PCDH11X: variants seen among roughly 807,000 people sequenced by gnomAD.
PCDH11X encodes protocadherin-11 X-linked.
PCDH11X carries 18 observed loss-of-function variants against 53.3 expected under a neutral mutation model. The ratio of observed to expected loss-of-function variants is 0.34; its 90% CI spans 0.23 to 0.50. The LOEUF (loss-of-function observed/expected upper bound fraction) is 0.50, where lower values mean the gene tolerates loss of function less well. Among genes scored for constraint, PCDH11X ranks in the 20% least tolerant of loss-of-function variants. The pLI is 0.98. For synonymous variants in PCDH11X, 279 were observed against 393.3 expected (o/e 0.71, Z 3.44); for missense variants, 570 against 1,032.4 (o/e 0.55, Z 6.14).
chrX:92,308,452 A>G (rs2068876724), intron 8 of PCDH11X, among the ~76,000 whole-genome samples: 1 of 111,531 alleles, frequency 9.0e-6, no homozygotes, highest in Non-Finnish European at 1.9e-5. Flanking sequence ...TGCACATGCA[A>G]AATAATGAAG....
intron 5 of PCDH11X, among the ~76,000 whole-genome samples, chrX:91,857,974 C>A (rs1418185812): frequency 8.9e-6 from 1 of 111,736 alleles, no homozygotes; most frequent in African/African-American, 3.3e-5. Flanking sequence ...CCCCACATTT[C>A]CCTTCTGCCA....
At chrX:92,053,211 A>G (rs2063391856) in intron 6 of PCDH11X, among the ~76,000 whole-genome samples, 1 of 111,180 alleles carries the variant, frequency 9.0e-6, no homozygotes, top group Non-Finnish European at 1.9e-5. Context: ...CTAGCAGAAG[A>G]CAATTTTTAT....
intron 6 of PCDH11X, among the ~76,000 whole-genome samples, chrX:92,153,116 G>A (rs900545870): frequency 6.4e-5 from 7 of 109,925 alleles, no homozygotes; most frequent in African/African-American, 2.3e-4. Context: ...ATAAGACTTA[G>A]TTAAATTGTT....
At chrX:92,405,906 A>G (rs1367840490) in intron 9 of PCDH11X, among the ~76,000 whole-genome samples, 1 of 110,147 alleles carries the variant, frequency 9.1e-6, no homozygotes, top group African/African-American at 3.3e-5. Flanking sequence ...CATCCTGGCT[A>G]ACACAGTGAA....
chrX:92,074,124 T>C (rs6618844), intron 6 of PCDH11X, among the ~76,000 whole-genome samples: 33,099 of 110,400 alleles, frequency 0.3, 5,551 homozygotes, highest in African/African-American at 0.62. Flanking sequence ...GGGGAGCATG[T>C]TAAAAGTAAA....
Position 91,904,540 on chromosome X carries a change from G to A in PCDH11X, c.3033+25267G>A, listed in dbSNP as rs755410028. ...AAATAGTATAAATTAATTGTAGAAC[G>A]TTTGAAAAATACAGATGAATAAAGA... On this transcript the variant is annotated intron_variant, in intron 6 of 10. Coordinates refer to ENST00000682573, the MANE Select transcript of PCDH11X (RefSeq NM_032968.5). Among the ~76,000 whole-genome samples the A allele has an allele frequency of 8.1e-5, 9 of 110,984 alleles. No homozygotes were observed. The East Asian group carries it at 1.4e-3, about 17-fold the overall frequency.
At chrX:92,119,923 A>G (rs1343757460) in intron 6 of PCDH11X, among the ~76,000 whole-genome samples, 1 of 110,116 alleles carries the variant, frequency 9.1e-6, no homozygotes, top group Non-Finnish European at 1.9e-5. Flanking sequence ...ACTTTTTGAG[A>G]GAAGAAATAG....
chrX:92,339,241 C>T (rs2069693021), intron 8 of PCDH11X, among the ~76,000 whole-genome samples: 1 of 111,870 alleles, frequency 8.9e-6, no homozygotes, highest in African/African-American at 3.2e-5. Context: ...ATTAGACCGC[C>T]ATCTGTCACT....
intron 6 of PCDH11X, among the ~76,000 whole-genome samples, chrX:91,978,517 C>T (rs2062077057): frequency 9.1e-6 from 1 of 109,654 alleles, no homozygotes; most frequent in African/African-American, 3.3e-5. Flanking sequence ...AGATCAAATT[C>T]ATTTTTGTAT....
At chrX:92,456,839 T>A (rs1196220293) in intron 9 of PCDH11X, among the ~76,000 whole-genome samples, 1 of 109,036 alleles carries the variant, frequency 9.2e-6, no homozygotes, top group East Asian at 2.9e-4. Flanking sequence ...TTTATCAACA[T>A]ATCATCTAAG....
chrX:92,441,611 G>A (rs906655982), intron 9 of PCDH11X, among the ~76,000 whole-genome samples: 3 of 112,380 alleles, frequency 2.7e-5, no homozygotes, highest in Non-Finnish European at 5.6e-5. Context: ...GTCAGTAAGT[G>A]AGGTTTGGAA....
chrX:92,406,058 C>T (rs1342576496), intron 9 of PCDH11X, among the ~76,000 whole-genome samples: 1 of 95,409 alleles, frequency 1.0e-5, no homozygotes, highest in South Asian at 5.6e-4. Flanking sequence ...TCTATCACGC[C>T]ACTGCACTCC....
intron 7 of PCDH11X, among the ~76,000 whole-genome samples, chrX:92,262,143 A>G (rs1344560918): frequency 9.0e-6 from 1 of 111,233 alleles, no homozygotes; most frequent in Non-Finnish European, 1.9e-5. Context: ...GGATAAAAAA[A>G]AAAATGGAGA....
At chrX:92,129,791 A>T (rs1362634924) in intron 6 of PCDH11X, among the ~76,000 whole-genome samples, 1 of 111,432 alleles carries the variant, frequency 9.0e-6, no homozygotes, top group Non-Finnish European at 1.9e-5. Context: ...GAATAGCTCC[A>T]TGGGAGACAG....
intron 5 of PCDH11X, among the ~76,000 whole-genome samples, chrX:91,875,448 A>G (rs1340138524): frequency 9.7e-6 from 1 of 103,450 alleles, no homozygotes; most frequent in Non-Finnish European, 1.9e-5. Context: ...ACGCCAGGCT[A>G]ATTTTTTTTT....
intron 6 of PCDH11X, among the ~76,000 whole-genome samples, chrX:91,983,862 T>C (rs1372420452): frequency 7.2e-5 from 8 of 110,793 alleles, no homozygotes; most frequent in Non-Finnish European, 1.3e-4. Context: ...AAACAAAACA[T>C]ATCATAGAAA....
intron 8 of PCDH11X, among the ~76,000 whole-genome samples, chrX:92,270,770 A>G (rs1446229444): frequency 8.9e-6 from 1 of 112,325 alleles, no homozygotes; most frequent in Non-Finnish European, 1.9e-5. Flanking sequence ...TAAGGTGAAC[A>G]TGGAGTAGCT....
chrX:91,841,254 C>CTTGG (rs1051944970), intron 5 of PCDH11X, among the ~76,000 whole-genome samples: 8 of 111,656 alleles, frequency 7.2e-5, no homozygotes, highest in Admixed American at 4.8e-4. Context: ...TTATCAGAGT[C>CTTGG]TTGGTTAGTG....
intron 6 of PCDH11X, among the ~76,000 whole-genome samples, chrX:92,175,037 G>A (rs1018473243): frequency 1.0e-4 from 11 of 110,288 alleles, no homozygotes; most frequent in East Asian, 5.7e-4. Flanking sequence ...GTGCAGTGGC[G>A]CCATCTTGGC....
Sources: allele counts gnomAD v4.1 joint callset (sites outside exome capture counted in the v4.1 genomes callset), GRCh38; gene constraint gnomAD v4.1.1; transcripts MANE v1.5; gene names NCBI Gene and HGNC (gene_info 2026-07-23, HGNC 2026-07-21).